The following NBEA variants were observed in gnomAD, a reference collection of about 807,000 sequenced individuals.
NBEA encodes neurobeachin.
Under a neutral mutation model 343.4 loss-of-function variants are expected in NBEA, and 44 were observed. The ratio of observed to expected loss-of-function variants is 0.13; its 90% CI spans 0.10 to 0.16. NBEA has a LOEUF of 0.16. Among genes scored for constraint, NBEA ranks in the 10% least tolerant of loss-of-function variants. The pLI is 1.00. For synonymous variants in NBEA, 1,175 were observed against 1,238.7 expected (o/e 0.95, Z 1.08); for missense variants, 2,555 against 3,631.3 (o/e 0.70, Z 7.62).
chr13:35,054,214 C>T (rs1422289769), intron 6 of NBEA, among the ~76,000 whole-genome samples: 1 of 151,910 alleles, frequency 6.6e-6, no homozygotes, highest in Non-Finnish European at 1.5e-5. Flanking sequence ...AAGTTTGTGT[C>T]TTCTGTGTTA....
chr13:35,402,042 G>A (rs2043025688), intron 38 of NBEA, among the ~76,000 whole-genome samples: 1 of 151,746 alleles, frequency 6.6e-6, no homozygotes, highest in African/African-American at 2.4e-5. Flanking sequence ...TTAAATTTTG[G>A]ATATTGAGTC....
chr13:35,625,946 C>T (rs2083212255), intron 48 of NBEA, among the ~76,000 whole-genome samples: 1 of 152,020 alleles, frequency 6.6e-6, no homozygotes, highest in South Asian at 2.1e-4. Flanking sequence ...GTATGCACTC[C>T]CAGTTCTACT....
intron 33 of NBEA, among the ~76,000 whole-genome samples, chr13:35,226,189 C>G (rs2074642579): frequency 6.6e-6 from 1 of 152,130 alleles, no homozygotes; most frequent in Non-Finnish European, 1.5e-5. Flanking sequence ...TGGGAAAGCT[C>G]TGAAATTGGA....
chr13:35,198,808 C>T (rs922030705), intron 31 of NBEA, among the ~76,000 whole-genome samples: 9 of 151,576 alleles, frequency 5.9e-5, no homozygotes, highest in African/African-American at 2.2e-4. Context: ...TGAACAGAAG[C>T]GGCCTTGCAC....
At chr13:35,213,031 A>G (rs2073872074) in intron 33 of NBEA, among the ~76,000 whole-genome samples, 1 of 151,970 alleles carries the variant, frequency 6.6e-6, no homozygotes, top group Non-Finnish European at 1.5e-5. Flanking sequence ...AATTCACTTT[A>G]TAATTTTTTG....
intron 48 of NBEA, among the ~76,000 whole-genome samples, chr13:35,615,553 C>T (rs190254295): frequency 6.6e-6 from 1 of 152,194 alleles, no homozygotes; most frequent in East Asian, 1.9e-4. Context: ...CCATGTTGGC[C>T]AGCCTGGTCT....
chr13:35,644,864 TCA>T (rs920125542), intron 49 of NBEA, among the ~76,000 whole-genome samples: 2 of 152,194 alleles, frequency 1.3e-5, no homozygotes, highest in African/African-American at 4.8e-5. Context: ...AGTTAAATAG[TCA>T]CACTTGTGAG....
At chr13:35,509,226 C>A (rs1237105305) in intron 41 of NBEA, among the ~76,000 whole-genome samples, 1 of 152,156 alleles carries the variant, frequency 6.6e-6, no homozygotes, top group Non-Finnish European at 1.5e-5. Flanking sequence ...GTAGCTGGTT[C>A]TTCTAATGAA....
chr13:35,074,651 T>G (rs1189931442), intron 10 of NBEA, among the ~76,000 whole-genome samples: 2 of 152,154 alleles, frequency 1.3e-5, no homozygotes, highest in African/African-American at 4.8e-5. Flanking sequence ...TGGCATTTAT[T>G]GAATACATAC....
intron 53 of NBEA, 121 bp from the exon 54 acceptor site, chr13:35,654,734 A>G: frequency 1.4e-6 from 1 of 714,040 alleles, no homozygotes; most frequent in Non-Finnish European, 2.2e-6. Flanking sequence ...TAATAATCTC[A>G]TACCATTAAA....
At chr13:35,089,908 T>G (rs2064986711) in intron 10 of NBEA, among the ~76,000 whole-genome samples, 2 of 95,118 alleles carry the variant, frequency 2.1e-5, no homozygotes, top group Non-Finnish European at 3.9e-5. Flanking sequence ...TGGGGACTGT[T>G]GTGGGGTGGG....
chr13:34,963,645 A>G (rs973823286), intron 1 of NBEA, among the ~76,000 whole-genome samples: 2 of 151,952 alleles, frequency 1.3e-5, no homozygotes, highest in Admixed American at 1.3e-4. Context: ...TTCTATTTGT[A>G]AACCCATTGC....
intron 33 of NBEA, among the ~76,000 whole-genome samples, chr13:35,218,633 C>T (rs1393014853): frequency 6.6e-6 from 1 of 150,778 alleles, no homozygotes; most frequent in Non-Finnish European, 1.5e-5. Flanking sequence ...TGCTTCTTAC[C>T]TATTAATTAT....
intron 34 of NBEA, among the ~76,000 whole-genome samples, chr13:35,264,193 T>C (rs2033464539): frequency 6.6e-6 from 1 of 151,712 alleles, no homozygotes; most frequent in African/African-American, 2.4e-5. Context: ...ACATACAATC[T>C]ACCAAGATTG....
intron 36 of NBEA, among the ~76,000 whole-genome samples, chr13:35,323,030 T>C (rs1366742309): frequency 1.3e-5 from 2 of 151,770 alleles, no homozygotes; most frequent in African/African-American, 4.8e-5. Flanking sequence ...TTGTATTTTT[T>C]GTAGAGATGG....
At chr13:35,484,268 GTGTGTGTATATA>G (rs1184351255) in intron 41 of NBEA, among the ~76,000 whole-genome samples, 14 of 107,344 alleles carry the variant, frequency 1.3e-4, no homozygotes, top group African/African-American at 2.2e-4. Flanking sequence ...GTGTGTGTGT[GTGTGTGTATATA>G]TATATATATA....
intron 55 of NBEA, among the ~76,000 whole-genome samples, chr13:35,663,219 G>A (rs562555019): frequency 6.6e-6 from 1 of 152,208 alleles, no homozygotes; most frequent in South Asian, 2.1e-4. Context: ...TATTCCTTCT[G>A]CCTAACTTTA....
At chr13:35,431,466 G>A (rs867042575) in intron 38 of NBEA, among the ~76,000 whole-genome samples, 2 of 151,972 alleles carry the variant, frequency 1.3e-5, no homozygotes, top group Non-Finnish European at 2.9e-5. Context: ...TGTTTCATTG[G>A]CTATATAATG....
intron 34 of NBEA, among the ~76,000 whole-genome samples, chr13:35,266,113 T>A (rs559536860): frequency 6.6e-6 from 1 of 152,020 alleles, no homozygotes; most frequent in Non-Finnish European, 1.5e-5. Context: ...ACATCACTAA[T>A]CAGAAAAATG....
Sources: gnomAD v4.1 joint callset for allele counts (sites outside exome capture counted in the v4.1 genomes callset) on GRCh38, gnomAD v4.1.1 for gene constraint, MANE v1.5 for transcripts, NCBI Gene and HGNC (gene_info 2026-07-23, HGNC 2026-07-21) for gene names.